Variants in CRIM1 observed in about 807,000 individuals in gnomAD.
The protein encoded by CRIM1 is cysteine-rich motor neuron 1 protein.
CRIM1 carries 32 observed loss-of-function variants against 116.4 expected under a neutral mutation model. The observed-to-expected ratio is 0.27, with a 90% CI of 0.21 to 0.37. The LOEUF (loss-of-function observed/expected upper bound fraction) is 0.37. Ranked by LOEUF, CRIM1 falls within the 10% of genes least tolerant of loss-of-function variation. The pLI is 1.00. For synonymous variants in CRIM1, 590 were observed against 509.2 expected (o/e 1.16, Z -2.13); for missense variants, 1,331 against 1,354.8 (o/e 0.98, Z 0.28).
At chr2:36,448,443 C>T (rs1016881019) in intron 4 of CRIM1, among the ~76,000 whole-genome samples, 1 of 152,242 alleles carries the variant, frequency 6.6e-6, no homozygotes, top group African/African-American at 2.4e-5. Context: ...ACTCCTTGCT[C>T]TCTCCAGTGT....
Position 36,537,358 on chromosome 2 carries a change from C to T in CRIM1, c.2435C>T (p.Thr812Ile), listed in dbSNP as rs774542840. The change falls in exon 14 of 17, where the codon ACA becomes ATA. Residue 812 changes from threonine to isoleucine, a missense_variant. This residue lies in a region of CRIM1 where 358 missense variants were observed against 436.1 expected (regional missense o/e 0.82). Transcript: ENST00000280527. ...GQCCPYCIED[T>I]IPKKVVCHFS... ...GTGCTGTTCTTTTCACTAGAAGACA[C>T]AATTCCAAAGAAGGTGGTGTGCCAC... 1 of 1,614,166 alleles carries T rather than the reference C, an allele frequency of 6.2e-7. No homozygotes were observed. Among genetic ancestry groups the T allele is most frequent in the Non-Finnish European group, 8.5e-7 (1 of 1,180,014 alleles).
intron 2 of CRIM1, among the ~76,000 whole-genome samples, chr2:36,425,556 A>G (rs1028343699): frequency 6.6e-6 from 1 of 152,234 alleles, no homozygotes; most frequent in African/African-American, 2.4e-5. Context: ...TCTTAATTTA[A>G]TAATTCTTGC....
At chr2:36,499,394 AT>A in intron 8 of CRIM1, 47 bp downstream of exon 8, 2 of 1,559,624 alleles carry the variant, frequency 1.3e-6, no homozygotes, top group Admixed American at 3.4e-5. Context: ...CTAATATGAT[AT>A]TGTCAAAGCA....
chr2:36,439,797 A>C (rs372008976), intron 2 of CRIM1, among the ~76,000 whole-genome samples: 1 of 152,112 alleles, frequency 6.6e-6, no homozygotes, highest in East Asian at 1.9e-4. Context: ...CATAGCACAT[A>C]TCACCCTTTA....
intron 1 of CRIM1, among the ~76,000 whole-genome samples, chr2:36,391,947 GT>G (rs1671644680): frequency 6.6e-6 from 1 of 152,118 alleles, no homozygotes. Context: ...ATAAAAATTA[GT>G]TTCCTTGAAT....
chr2:36,376,794 T>C (rs1670353251), intron 1 of CRIM1, among the ~76,000 whole-genome samples: 6 of 152,196 alleles, frequency 3.9e-5, no homozygotes, highest in Admixed American at 3.9e-4. Context: ...ATGCCTGACT[T>C]CCTGACCTGC....
At chr2:36,478,775 C>T (rs1323790802) in intron 6 of CRIM1, among the ~76,000 whole-genome samples, 1 of 151,904 alleles carries the variant, frequency 6.6e-6, no homozygotes, top group Non-Finnish European at 1.5e-5. Context: ...TGGTTGCTCT[C>T]AATAGAGGGA....
chr2:36,525,580 C>G (rs1375199453), intron 13 of CRIM1, among the ~76,000 whole-genome samples: 1 of 152,210 alleles, frequency 6.6e-6, no homozygotes, highest in Admixed American at 6.5e-5. Flanking sequence ...GCACCAAAGA[C>G]CAGTGCTCGC....
intron 14 of CRIM1, among the ~76,000 whole-genome samples, chr2:36,537,757 T>C (rs1020207419): frequency 1.3e-5 from 2 of 152,198 alleles, no homozygotes; most frequent in Non-Finnish European, 2.9e-5. Context: ...CATGCCAGAA[T>C]TCCTCGGGTT....
chr2:36,392,054 C>A (rs921733467), intron 1 of CRIM1, among the ~76,000 whole-genome samples: 1 of 152,172 alleles, frequency 6.6e-6, no homozygotes, highest in Non-Finnish European at 1.5e-5. Flanking sequence ...ATGGGAAATA[C>A]ACATAAAGTA....
At chr2:36,416,163 G>A (rs893797822) in intron 2 of CRIM1, among the ~76,000 whole-genome samples, 4 of 152,002 alleles carry the variant, frequency 2.6e-5, no homozygotes, top group East Asian at 1.9e-4. Flanking sequence ...AGCAGAGATC[G>A]TGCCACTGCA....
At chr2:36,416,924 A>G (rs538752389) in intron 2 of CRIM1, among the ~76,000 whole-genome samples, 2 of 152,316 alleles carry the variant, frequency 1.3e-5, no homozygotes, top group East Asian at 1.9e-4. Flanking sequence ...AGCTGAAGCC[A>G]TTGCCAGGGC....
chr2:36,391,449 A>G (rs1285145380), intron 1 of CRIM1, among the ~76,000 whole-genome samples: 2 of 152,070 alleles, frequency 1.3e-5, no homozygotes, highest in Non-Finnish European at 1.5e-5. Flanking sequence ...TTTTTAGAAC[A>G]TTAATGTGCT....
intron 5 of CRIM1, among the ~76,000 whole-genome samples, chr2:36,470,857 T>A (rs1678449315): frequency 6.6e-6 from 1 of 152,138 alleles, no homozygotes. Flanking sequence ...CTAAATCAAT[T>A]GAAAACCTTC....
At chr2:36,447,875 C>T (rs1676371961) in intron 4 of CRIM1, among the ~76,000 whole-genome samples, 1 of 152,144 alleles carries the variant, frequency 6.6e-6, no homozygotes, top group Non-Finnish European at 1.5e-5. Context: ...AACTCATGCC[C>T]TTCTGGCCCT....
chr2:36,418,265 T>A (rs1272398098), intron 2 of CRIM1, among the ~76,000 whole-genome samples: 1 of 152,130 alleles, frequency 6.6e-6, no homozygotes, highest in Non-Finnish European at 1.5e-5. Flanking sequence ...GACAGACTCT[T>A]CTTTGAGTCC....
At chr2:36,463,576 G>A (rs1042928489) in intron 4 of CRIM1, among the ~76,000 whole-genome samples, 3 of 152,074 alleles carry the variant, frequency 2.0e-5, no homozygotes, top group Admixed American at 2.0e-4. Context: ...GGAGTCCCAG[G>A]GCAGAAATCT....
chr2:36,361,158 C>T (rs76072593), intron 1 of CRIM1, among the ~76,000 whole-genome samples: 1 of 152,146 alleles, frequency 6.6e-6, no homozygotes. Flanking sequence ...ATTGAGGAGT[C>T]CTGTCACATA....
At chr2:36,455,100 C>T (rs1274900685) in intron 4 of CRIM1, among the ~76,000 whole-genome samples, 1 of 151,962 alleles carries the variant, frequency 6.6e-6, no homozygotes, top group Non-Finnish European at 1.5e-5. Flanking sequence ...AGAGCATGGG[C>T]CAGGGAGAAC....
Sources: allele counts gnomAD v4.1 joint callset (sites outside exome capture counted in the v4.1 genomes callset), GRCh38; gene constraint gnomAD v4.1.1; regional missense constraint gnomAD v4.1.1; transcripts MANE v1.5; gene names NCBI Gene and HGNC (gene_info 2026-07-23, HGNC 2026-07-21).